The following GTF2E1 variants were observed in gnomAD, a reference collection of about 807,000 sequenced individuals.
GTF2E1 encodes general transcription factor IIE subunit 1, also known as TFIIE alpha subunit.
In GTF2E1, 14 loss-of-function variants were observed where a neutral mutation model predicts 34.9. The observed-to-expected ratio is 0.40, with a 90% CI of 0.27 to 0.63. GTF2E1 has a LOEUF of 0.63. Ranked by LOEUF, GTF2E1 falls within the 20% of genes least tolerant of loss-of-function variation. The probability of loss-of-function intolerance (pLI) is 0.39; values close to 1 mark genes in which losing one functional copy is unlikely to be tolerated. For missense variants in GTF2E1, 469 were observed against 557.7 expected (o/e 0.84, Z 1.60); for synonymous variants, 188 against 192.9 (o/e 0.97, Z 0.21).
chr3:120,755,102 ATAAT>A (rs549161149), intron 2 of GTF2E1, among the ~76,000 whole-genome samples: 133 of 152,306 alleles, frequency 8.7e-4, no homozygotes, highest in African/African-American at 3.1e-3. Flanking sequence ...GAAGTCTTTG[ATAAT>A]TAAGTAAGTG....
At chr3:120,744,653 TC>T (rs1709090235) in intron 1 of GTF2E1, among the ~76,000 whole-genome samples, 1 of 152,190 alleles carries the variant, frequency 6.6e-6, no homozygotes, top group Non-Finnish European at 1.5e-5. Context: ...GATTTTTTTT[TC>T]TGTAATAACT....
At chr3:120,776,345 C>T in intron 3 of GTF2E1, 78 bp from the exon 4 acceptor site, 2 of 1,309,468 alleles carry the variant, frequency 1.5e-6, no homozygotes, top group Non-Finnish European at 1.1e-6. Flanking sequence ...CAGTAATTGC[C>T]TCCCTAGCTG....
chr3:120,769,159 T>A (rs905491498), intron 2 of GTF2E1, among the ~76,000 whole-genome samples: 6 of 152,162 alleles, frequency 3.9e-5, no homozygotes, highest in African/African-American at 1.4e-4. Context: ...TTTTACATAT[T>A]CATTTTTATA....
chr3:120,751,082 C>T, intron 2 of GTF2E1, 82 bp downstream of exon 2: 2 of 796,440 alleles, frequency 2.5e-6, no homozygotes, highest in Non-Finnish European at 4.0e-6. Flanking sequence ...AATTTTTAAA[C>T]CATCATATAT....
rs374723229 is a variant in GTF2E1 at position 120,766,461 on chromosome 3, C to T, written c.449-4267C>T. On this transcript the variant is annotated intron_variant, in intron 2 of 4. Transcript: ENST00000283875. ...GTCACCCCAGTTTATCTTGTTAAGTCTGTTTTTTATCATTCTTTTTGATAA... is the reference window on the plus strand; with the variant it reads ...GTCACCCCAGTTTATCTTGTTAAGTTTGTTTTTTATCATTCTTTTTGATAA... Among the ~76,000 whole-genome samples the T allele has an allele frequency of 8.0e-4, 121 of 152,178 alleles. 1 individual carries two copies. The highest frequency in any genetic ancestry group is 2.8e-3 in the African/African-American group (117 of 41,518).
chr3:120,763,806 G>A (rs535387348), intron 2 of GTF2E1, among the ~76,000 whole-genome samples: 17 of 152,176 alleles, frequency 1.1e-4, no homozygotes, highest in African/African-American at 4.1e-4. Flanking sequence ...ATTTGTCATA[G>A]CAACTAGTGA....
chr3:120,760,167 C>T (rs1576358760), intron 2 of GTF2E1, among the ~76,000 whole-genome samples: 1 of 152,188 alleles, frequency 6.6e-6, no homozygotes. Flanking sequence ...AAGTTGGATT[C>T]CTAGGTATTT....
chr3:120,770,950 C>G (rs774570596), intron 3 of GTF2E1, 21 bp downstream of exon 3: 8 of 1,594,994 alleles, frequency 5.0e-6, no homozygotes, highest in Non-Finnish European at 6.9e-6. Context: ...GCCCTGTGCT[C>G]TTACTAAGAA....
chr3:120,780,978 C>T, intron 4 of GTF2E1, 65 bp from the exon 5 acceptor site: 4 of 1,002,338 alleles, frequency 4.0e-6, no homozygotes, highest in Non-Finnish European at 5.9e-6. Context: ...AAAATATTGT[C>T]TATATGCTAT....
chr3:120,758,580 A>G (rs1010774401), intron 2 of GTF2E1, among the ~76,000 whole-genome samples: 4 of 108,984 alleles, frequency 3.7e-5, no homozygotes, highest in African/African-American at 1.1e-4. Context: ...CCAGCCTCCC[A>G]CCCCCGACAG....
At chr3:120,781,011 A>C in intron 4 of GTF2E1, 32 bp from the exon 5 acceptor site, 2 of 1,433,628 alleles carry the variant, frequency 1.4e-6, no homozygotes, top group Non-Finnish European at 1.9e-6. Flanking sequence ...TTTATATTTA[A>C]GGATATTGAC....
At chr3:120,748,254 A>G (rs1316406227) in intron 1 of GTF2E1, among the ~76,000 whole-genome samples, 1 of 151,152 alleles carries the variant, frequency 6.6e-6, no homozygotes, top group Non-Finnish European at 1.5e-5. Flanking sequence ...CTTTAGTTTA[A>G]TTAGATCCCA....
At chr3:120,745,125 CT>C (rs1176376420) in intron 1 of GTF2E1, among the ~76,000 whole-genome samples, 1 of 152,140 alleles carries the variant, frequency 6.6e-6, no homozygotes, top group East Asian at 1.9e-4. Flanking sequence ...TTGTCTTCAA[CT>C]TCTGGGCTCT....
intron 1 of GTF2E1, chr3:120,749,991 A>T (rs915077647): frequency 7.9e-5 from 12 of 152,366 alleles, no homozygotes; most frequent in African/African-American, 2.7e-4. Context: ...ACTTTCTTTC[A>T]GTTTTACAAC....
rs146072078 is a variant in GTF2E1 at position 120,750,703 on chromosome 3, C to T, written c.151C>T (p.Leu51=). 1 of 1,613,996 alleles carries T rather than the reference C, an allele frequency of 6.2e-7. No individual in the cohort carries two copies. Among genetic ancestry groups the T allele is most frequent in the South Asian group, 1.1e-5 (1 of 91,076 alleles). Residue 51 remains leucine (L), a synonymous_variant, in exon 2 of 5, where the codon CTG becomes TTG. Coordinates refer to ENST00000283875, the MANE Select transcript of GTF2E1 (RefSeq NM_005513.3). ...TGTGAAAGAGGAGGATATGCTGGAG[C>T]TGCTCAAGTTTGATCGGAAGCAACT... ...SCVKEEDMLE[L]LKFDRKQLRS...
At chr3:120,764,804 GTATT>G (rs1053738214) in intron 2 of GTF2E1, among the ~76,000 whole-genome samples, 3 of 151,792 alleles carry the variant, frequency 2.0e-5, no homozygotes, top group Non-Finnish European at 2.9e-5. Context: ...GGTTTTATTT[GTATT>G]TATTTATTTA....
intron 2 of GTF2E1, among the ~76,000 whole-genome samples, chr3:120,764,499 TAA>T (rs551855915): frequency 6.6e-4 from 101 of 152,334 alleles, no homozygotes; most frequent in Admixed American, 2.5e-3. Flanking sequence ...TTTGATTTTT[TAA>T]AAGTTTGTGG....
At chr3:120,757,645 G>A (rs932045718) in intron 2 of GTF2E1, among the ~76,000 whole-genome samples, 26 of 152,120 alleles carry the variant, frequency 1.7e-4, no homozygotes, top group Non-Finnish European at 2.9e-5. Context: ...TGAAAATAAA[G>A]TTTAGGAATG....
chr3:120,777,384 T>C (rs1709410773), intron 4 of GTF2E1, among the ~76,000 whole-genome samples: 1 of 152,194 alleles, frequency 6.6e-6, no homozygotes, highest in South Asian at 2.1e-4. Context: ...AGGGTGTCTC[T>C]ATTTCTTGCT....
Sources: gnomAD v4.1 joint callset for allele counts (sites outside exome capture counted in the v4.1 genomes callset) on GRCh38, gnomAD v4.1.1 for gene constraint, MANE v1.5 for transcripts, NCBI Gene and HGNC (gene_info 2026-07-23, HGNC 2026-07-21) for gene names.